The following ZNF512 variants were observed in gnomAD, a reference collection of about 807,000 sequenced individuals.
ZNF512 encodes the protein zinc finger protein 512.
ZNF512 carries 25 observed loss-of-function variants against 77.5 expected under a neutral mutation model. The observed-to-expected ratio is 0.32, with a 90% confidence interval of 0.23 to 0.45. The LOEUF is 0.45. ZNF512 is among the 20% of genes least tolerant of loss of function. ZNF512 has a pLI of 1.00. For synonymous variants in ZNF512, 246 were observed against 239.9 expected, an observed-to-expected ratio of 1.03 and a Z score of -0.24; for missense variants, 483 against 692.6, an observed-to-expected ratio of 0.70 and a Z score of 3.40.
rs1303237065 is a variant in ZNF512, at chr2:27,615,265, A to G, written c.1229A>G (p.Asn410Ser). The G allele has an allele frequency of 6.3e-7, 1 of 1,582,858 alleles. No individual in the cohort carries two copies. The highest frequency in any genetic ancestry group is 8.6e-7 in the Non-Finnish European group (1 of 1,164,102). ...AAATATCATCGTATTCAGTGTCCTA[A>G]CCAGGTGGTTCTTTCTCATTCATTT... is the stretch of plus-strand genomic sequence containing the variant. ...IKKYHRIQCP[N>S]QGCEAVYSSV... Residue 410 changes from asparagine (N) to serine (S), a missense_variant, in exon 11 of 14, where the codon AAC becomes AGC. Physicochemically the swap from Asn to Ser is conservative, Grantham distance 46. Transcript: ENST00000355467.
In ZNF512 at chr2:27,617,566, G is replaced by T; in HGVS notation, c.1390G>T (p.Ala464Ser). The T allele has an allele frequency of 8.4e-7, 1 of 1,193,916 alleles. No homozygotes were observed. The highest frequency in any genetic ancestry group is 1.3e-6 in the Non-Finnish European group (1 of 796,104). The allele number at this position is 1,193,916 out of a possible 1,614,324, so 74.0% of individuals were successfully genotyped here. The change falls in exon 13 of 14, where the codon GCT becomes TCT. Residue 464 changes from alanine to serine, a missense_variant. Transcript: ENST00000355467. ...CAAGTATCACATCAACTCCGTCCAT[G>T]CTGAGGTGAGGTTTTTGTAATCCTG... is the stretch of plus-strand genomic sequence containing the variant. ...GVKYHINSVH[A>S]EDWFVVNPTT...
rs146478471 is a variant in ZNF512 at position 27,598,156 on chromosome 2, C to T, written c.179C>T (p.Ser60Leu). The T allele has an allele frequency of 1.9e-6, 3 of 1,614,074 alleles. No individual in the cohort carries two copies. Among genetic ancestry groups the T allele is most frequent in the East Asian group, 2.2e-5 (1 of 44,862 alleles). The stretch of plus-strand genomic sequence containing the variant: ...TTAAGTGGTTCATCGTCTGCATCTT[C>T]GTGTGAACCAGTGAGTGATTTTCCA... ...DSLSGSSSAS[S>L]CEPVSDFPAS... The change falls in exon 3 of 14, where the codon TCG (serine) becomes TTG (leucine). Residue 60 changes from serine (S) to leucine (L), a missense_variant. By Grantham distance (145) the Ser-to-Leu change is moderately radical (BLOSUM62 -2). Around this residue, in one of 2 missense-constraint regions of ZNF512, gnomAD observed 159 missense variants for 167.5 expected, o/e 0.95. Coordinates refer to ENST00000355467, the MANE Select transcript of ZNF512 (RefSeq NM_032434.4).
At chr2:27,605,278 C>T (rs1436153207) in intron 9 of ZNF512, among the ~76,000 whole-genome samples, 4 of 152,022 alleles carry the variant, frequency 2.6e-5, no homozygotes, top group Non-Finnish European at 5.9e-5. Context: ...CATGGTGAAA[C>T]CCCATCTCTA....
Position 27,603,179 on chromosome 2 carries a change from T to TC in ZNF512, c.808_809insC (p.Tyr270SerfsTer28). 1 of 1,614,094 alleles carries TC rather than the reference T, an allele frequency of 6.2e-7. No individual in the cohort carries two copies. Among genetic ancestry groups the TC allele is most frequent in the African/African-American group, 1.3e-5 (1 of 75,040 alleles). On this transcript the variant is annotated frameshift_variant, in exon 9 of 14. Coordinates refer to ENST00000355467, the MANE Select transcript of ZNF512 (RefSeq NM_032434.4). LOFTEE classifies it high-confidence loss of function. ...CTTCACCAGCATCATGGGATATCTC[T>TC]ACCATGTCAGAAAATGTGGCAAAGG...
At chr2:27,620,464 T>C (rs1673067683) in intron 13 of ZNF512, among the ~76,000 whole-genome samples, 2 of 152,190 alleles carry the variant, frequency 1.3e-5, no homozygotes, top group Non-Finnish European at 2.9e-5. Context: ...ATTCCTGTAT[T>C]CTGGCCATTT....
intron 2 of ZNF512, among the ~76,000 whole-genome samples, chr2:27,588,707 C>T (rs907738991): frequency 4.6e-5 from 7 of 151,786 alleles, no homozygotes; most frequent in South Asian, 2.1e-4. Flanking sequence ...CAGTTCTTTG[C>T]GTTTTTATAA....
intron 9 of ZNF512, among the ~76,000 whole-genome samples, chr2:27,604,147 G>T (rs1402539740): frequency 6.6e-6 from 1 of 150,402 alleles, no homozygotes; most frequent in Non-Finnish European, 1.5e-5. Context: ...GGCTGGTCTC[G>T]AACTCCCGAT....
chr2:27,602,382 T>G (rs1672152732), intron 7 of ZNF512, 81 bp from the exon 8 acceptor site: 2 of 1,404,664 alleles, frequency 1.4e-6, no homozygotes, highest in African/African-American at 1.4e-5. Context: ...GTCCAATCCT[T>G]GATTCTCCTC....
At chr2:27,591,620 A>G (rs1671582635) in intron 2 of ZNF512, among the ~76,000 whole-genome samples, 1 of 152,218 alleles carries the variant, frequency 6.6e-6, no homozygotes, top group Non-Finnish European at 1.5e-5. Context: ...CATGTTGGCC[A>G]GGATGGTCTT....
intron 2 of ZNF512, among the ~76,000 whole-genome samples, chr2:27,596,074 G>A (rs897972000): frequency 6.6e-6 from 1 of 152,136 alleles, no homozygotes; most frequent in African/African-American, 2.4e-5. Flanking sequence ...CCTGCTTCAG[G>A]TTCAGGCCAA....
At chr2:27,596,574 A>G (rs542196057) in intron 2 of ZNF512, among the ~76,000 whole-genome samples, 1 of 152,336 alleles carries the variant, frequency 6.6e-6, no homozygotes, top group East Asian at 1.9e-4. Flanking sequence ...AGGGAAAAAG[A>G]CAGAATTGGA....
At position 27,604,028 on chromosome 2, in the gene ZNF512, G is replaced by C. The variant is rs1026361082; in HGVS notation, c.936+721G>C. On this transcript the variant is annotated intron_variant, in intron 9 of 13. Transcript: ENST00000355467. ...TGTGACCTCCGCCTCCTGGGTTCAA[G>C]CAATTCTCCTACTTCAGCTTCCCGA... Among the ~76,000 whole-genome samples, 5 of 152,250 alleles carry C rather than the reference G, an allele frequency of 3.3e-5. No homozygotes were observed. In the East Asian group the frequency reaches 9.6e-4, roughly 29 times the overall value.
intron 10 of ZNF512, among the ~76,000 whole-genome samples, chr2:27,610,579 T>A (rs1182867616): frequency 0.056 from 3,157 of 56,598 alleles, 273 homozygotes; most frequent in African/African-American, 0.13. Flanking sequence ...TTTTTTTTTT[T>A]TTTTTTTTTT....
chr2:27,602,674 T>C, intron 8 of ZNF512, 113 bp downstream of exon 8: 1 of 829,248 alleles, frequency 1.2e-6, no homozygotes, highest in Non-Finnish European at 1.8e-6. Flanking sequence ...CTGTACTATC[T>C]TGGTCTCTTG....
At chr2:27,585,364 A>T (rs998340645) in intron 2 of ZNF512, among the ~76,000 whole-genome samples, 4 of 152,250 alleles carry the variant, frequency 2.6e-5, no homozygotes, top group Non-Finnish European at 4.4e-5. Context: ...TTCTAGTTAA[A>T]GTGGTTAGAG....
intron 2 of ZNF512, among the ~76,000 whole-genome samples, chr2:27,589,465 A>G (rs28825454): frequency 0.035 from 5,262 of 152,166 alleles, 292 homozygotes; most frequent in African/African-American, 0.12. Flanking sequence ...GATATTGGCT[A>G]TTTGTAGTGT....
At chr2:27,588,485 T>A (rs573891237) in intron 2 of ZNF512, among the ~76,000 whole-genome samples, 2 of 152,132 alleles carry the variant, frequency 1.3e-5, no homozygotes, top group East Asian at 1.9e-4. Flanking sequence ...AATGTTGACT[T>A]TTTTTTCTAT....
intron 9 of ZNF512, among the ~76,000 whole-genome samples, chr2:27,605,702 C>T (rs1272332481): frequency 6.6e-6 from 1 of 152,070 alleles, no homozygotes; most frequent in East Asian, 2.0e-4. Flanking sequence ...TCTTGAACTC[C>T]TGGGCTAAAG....
Position 27,583,685 on chromosome 2 carries a change from C to T in ZNF512, c.58C>T (p.Gln20Ter). 6.2e-7 allele frequency: 1 copy of T among 1,614,182 alleles called. No homozygotes were observed. The highest frequency in any genetic ancestry group is 8.5e-7 in the Non-Finnish European group (1 of 1,180,024). ...ATSGPTTFKQQRSTRIVGAKN... is the reference protein window; with the variant it reads ...ATSGPTTFKQ ...TTCGGGACCCACAACCTTTAAGCAG[C>T]AGAGGAGCACGAGGATCGTGGGAGC... Residue 20 changes from glutamine to a stop codon, truncating the protein, a stop_gained, in exon 2 of 14, where the codon CAG becomes TAG. Transcript: ENST00000355467. LOFTEE classifies it high-confidence loss of function.
Sources: gnomAD v4.1 joint callset for allele counts (sites outside exome capture counted in the v4.1 genomes callset) on GRCh38, gnomAD v4.1.1 for gene constraint, gnomAD v4.1.1 regional missense constraint, MANE v1.5 for transcripts, NCBI Gene and HGNC (gene_info 2026-07-23, HGNC 2026-07-21) for gene names.